Variants in MIPOL1 observed in about 807,000 individuals in gnomAD.
MIPOL1 encodes mirror-image polydactyly 1, also known as mirror-image polydactyly gene 1 protein.
MIPOL1 carries 57 observed loss-of-function variants against 60.9 expected under a neutral mutation model. That is an observed-to-expected ratio of 0.94 (90% CI 0.76 to 1.17). The LOEUF (loss-of-function observed/expected upper bound fraction) is 1.17, where lower values mean the gene tolerates loss of function less well. Ranked by LOEUF, MIPOL1 falls within the 50% of genes most tolerant of loss-of-function variation. MIPOL1 has a pLI of 0.00. For missense variants in MIPOL1, 551 were observed against 511.6 expected (o/e 1.08, Z -0.74); for synonymous variants, 179 against 168.8 (o/e 1.06, Z -0.47).
intron 3 of MIPOL1, among the ~76,000 whole-genome samples, chr14:37,253,659 C>A (rs530544198): frequency 1.3e-5 from 2 of 151,594 alleles, no homozygotes; most frequent in Non-Finnish European, 3.0e-5. Context: ...ATTATGAATC[C>A]TTAATAACAG....
intron 11 of MIPOL1, among the ~76,000 whole-genome samples, chr14:37,489,957 C>T (rs1453100293): frequency 1.3e-5 from 2 of 152,174 alleles, no homozygotes; most frequent in African/African-American, 4.8e-5. Context: ...GGCAGTCTGA[C>T]CCTTAGCATA....
At chr14:37,258,122 G>A (rs955803704) in intron 3 of MIPOL1, among the ~76,000 whole-genome samples, 1 of 152,116 alleles carries the variant, frequency 6.6e-6, no homozygotes, top group African/African-American at 2.4e-5. Context: ...AACTAACATT[G>A]TGTTTCAGTG....
At chr14:37,416,881 C>A (rs2093780315) in intron 10 of MIPOL1, among the ~76,000 whole-genome samples, 1 of 152,150 alleles carries the variant, frequency 6.6e-6, no homozygotes, top group African/African-American at 2.4e-5. Flanking sequence ...ACATCTTCTG[C>A]TTCTTCATCT....
chr14:37,273,400 C>G (rs2083435014), intron 6 of MIPOL1, among the ~76,000 whole-genome samples: 1 of 150,452 alleles, frequency 6.6e-6, no homozygotes, highest in African/African-American at 2.4e-5. Context: ...ATTACTTGCA[C>G]TCTAATCTTA....
chr14:37,294,199 G>A (rs745592059), intron 7 of MIPOL1, among the ~76,000 whole-genome samples: 5 of 152,116 alleles, frequency 3.3e-5, no homozygotes, highest in Admixed American at 6.5e-5. Flanking sequence ...AGGCAAACAG[G>A]GTCTGGAGTG....
Position 37,323,157 on chromosome 14 carries a change from G to A in MIPOL1, c.828+14638G>A, listed in dbSNP as rs762487912. Among the ~76,000 whole-genome samples the A allele has an allele frequency of 5.3e-5, 8 of 152,032 alleles. No homozygotes were observed. In the East Asian group the frequency reaches 9.6e-4, roughly 18 times the overall value. ...CATCTTGAGTTAATTTTTATATAAG[G>A]TGTAAAGAAGGCATCCAGTTTCAGT... is the stretch of plus-strand genomic sequence containing the variant. On this transcript the variant is annotated intron_variant, in intron 9 of 12. Transcript: ENST00000684589.
At chr14:37,261,385 A>T (rs1420258127) in intron 3 of MIPOL1, among the ~76,000 whole-genome samples, 1 of 152,070 alleles carries the variant, frequency 6.6e-6, no homozygotes, top group East Asian at 1.9e-4. Context: ...AAATGTTTAG[A>T]TAACAACTTG....
At chr14:37,531,976 A>T (rs17768343) in intron 12 of MIPOL1, among the ~76,000 whole-genome samples, 5 of 151,772 alleles carry the variant, frequency 3.3e-5, no homozygotes. Flanking sequence ...CCATCTGTTC[A>T]AAAGGAGAGG....
chr14:37,274,688 A>G (rs2083520562), intron 6 of MIPOL1, among the ~76,000 whole-genome samples: 1 of 151,424 alleles, frequency 6.6e-6, no homozygotes, highest in South Asian at 2.1e-4. Flanking sequence ...TTTGACACTT[A>G]TCATGTGTAA....
At chr14:37,252,371 T>A (rs1974255911) in intron 3 of MIPOL1, among the ~76,000 whole-genome samples, 2 of 151,960 alleles carry the variant, frequency 1.3e-5, no homozygotes, top group Admixed American at 1.3e-4. Flanking sequence ...ATTTTTCAGT[T>A]TATTGGAGGC....
rs145392401 is a variant in MIPOL1, at chr14:37,288,862, C to T, written c.623+3415C>T. Among the ~76,000 whole-genome samples, 651 of 152,008 alleles carry T rather than the reference C, an allele frequency of 4.3e-3. 4 individuals carry two copies. Among genetic ancestry groups the T allele is most frequent in the African/African-American group, 0.015 (627 of 41,480 alleles). On this transcript the variant is annotated intron_variant, in intron 7 of 12. Transcript: ENST00000684589. ...GGCAAGTAGGACATGATTGCAGTCT[C>T]GTTTTCATTCTTTCTGGGCCTGATA...
intron 1 of MIPOL1, among the ~76,000 whole-genome samples, chr14:37,233,696 C>G (rs528775452): frequency 5.3e-5 from 8 of 152,264 alleles, no homozygotes; most frequent in East Asian, 3.9e-4. Context: ...CAAAATTGCC[C>G]TTGTTTGATG....
chr14:37,310,724 T>C (rs2087247013), intron 9 of MIPOL1, among the ~76,000 whole-genome samples: 1 of 152,166 alleles, frequency 6.6e-6, no homozygotes, highest in Non-Finnish European at 1.5e-5. Flanking sequence ...GGCCTAGTTG[T>C]GGTTCACCCC....
chr14:37,270,347 A>G, intron 5 of MIPOL1, 73 bp from the exon 6 acceptor site: 1 of 753,342 alleles, frequency 1.3e-6, no homozygotes, highest in Non-Finnish European at 2.0e-6. Flanking sequence ...AAAACCAAAA[A>G]CTTTGAAATT....
chr14:37,426,941 A>G (rs2093978263), intron 11 of MIPOL1, among the ~76,000 whole-genome samples: 1 of 152,090 alleles, frequency 6.6e-6, no homozygotes, highest in Non-Finnish European at 1.5e-5. Context: ...AAAAAGATAC[A>G]GAGAACTTTC....
chr14:37,284,601 C>T (rs1229054243), intron 6 of MIPOL1, among the ~76,000 whole-genome samples: 1 of 152,282 alleles, frequency 6.6e-6, no homozygotes, highest in East Asian at 1.9e-4. Flanking sequence ...CCTCGGCCTC[C>T]CAAAGTGCTG....
intron 9 of MIPOL1, among the ~76,000 whole-genome samples, chr14:37,326,388 A>T (rs2153450598): frequency 6.6e-6 from 1 of 152,334 alleles, no homozygotes; most frequent in East Asian, 1.9e-4. Flanking sequence ...TGGTAGATAA[A>T]GGCATTCTGT....
intron 9 of MIPOL1, among the ~76,000 whole-genome samples, chr14:37,328,935 A>C (rs1346290078): frequency 6.6e-6 from 1 of 152,202 alleles, no homozygotes; most frequent in Non-Finnish European, 1.5e-5. Flanking sequence ...GATTAGGCTT[A>C]AGAATATATA....
intron 1 of MIPOL1, among the ~76,000 whole-genome samples, chr14:37,239,267 G>C (rs944141725): frequency 6.6e-6 from 1 of 151,780 alleles, no homozygotes; most frequent in Non-Finnish European, 1.5e-5. Flanking sequence ...GGATGGTCTC[G>C]ATCTCCTGAC....
Sources: allele counts gnomAD v4.1 joint callset (sites outside exome capture counted in the v4.1 genomes callset), GRCh38; gene constraint gnomAD v4.1.1; transcripts MANE v1.5; gene names NCBI Gene and HGNC (gene_info 2026-07-23, HGNC 2026-07-21).